The following MPPED2 variants were observed in gnomAD, a reference collection of about 807,000 sequenced individuals.
The protein encoded by MPPED2 is metallophosphoesterase MPPED2.
MPPED2 carries 5 observed loss-of-function variants against 33.0 expected under a neutral mutation model. The ratio of observed to expected loss-of-function variants is 0.15; its 90% CI spans 0.08 to 0.32. MPPED2 has a LOEUF of 0.32. MPPED2 is among the 10% of genes least tolerant of loss of function. The pLI is 1.00. For synonymous variants in MPPED2, 136 were observed against 141.9 expected, an observed-to-expected ratio of 0.96 and a Z score of 0.29; for missense variants, 275 against 372.1, an observed-to-expected ratio of 0.74 and a Z score of 2.15.
chr11:30,467,386 C>G lies in MPPED2; in HGVS notation c.536+27910G>C, dbSNP rs981713112. Among the ~76,000 whole-genome samples, 4 of 152,328 alleles carry G rather than the reference C, an allele frequency of 2.6e-5. No homozygotes were observed. The South Asian group carries it at 6.2e-4, about 24-fold the overall frequency. ...TAGTGGGGGAGTGACAAGCTCTCAG[C>G]TGGCACAGCTGTGTGATGTCCCAAA... On this transcript the variant is annotated intron_variant, in intron 4 of 6. Transcript: ENST00000358117.
chr11:30,391,137 T>G (rs1040586460), intron 6 of MPPED2, among the ~76,000 whole-genome samples: 3 of 152,164 alleles, frequency 2.0e-5, no homozygotes, highest in Non-Finnish European at 4.4e-5. Flanking sequence ...GAGATGGAAC[T>G]GTCTAGGGGC....
At chr11:30,428,863 A>C (rs1948957390) in intron 4 of MPPED2, 4 of 152,216 alleles carry the variant, frequency 2.6e-5, no homozygotes, top group African/African-American at 9.6e-5. Context: ...ATGAATGTTA[A>C]TATCATTATA....
intron 4 of MPPED2, among the ~76,000 whole-genome samples, chr11:30,423,035 C>T (rs1225130518): frequency 6.6e-6 from 1 of 152,182 alleles, no homozygotes; most frequent in African/African-American, 2.4e-5. Context: ...AATGTCAATA[C>T]AAAACAGGTT....
chr11:30,434,597 A>G (rs1949238867), intron 4 of MPPED2, among the ~76,000 whole-genome samples: 1 of 152,226 alleles, frequency 6.6e-6, no homozygotes, highest in African/African-American at 2.4e-5. Flanking sequence ...AGTTCTGCAT[A>G]AAAACATTTA....
chr11:30,475,933 C>A (rs1376498330), intron 4 of MPPED2, among the ~76,000 whole-genome samples: 1 of 151,954 alleles, frequency 6.6e-6, no homozygotes, highest in Admixed American at 6.6e-5. Flanking sequence ...AAATTTTAGC[C>A]ATTCTATTGT....
chr11:30,500,045 A>G (rs961294239), intron 3 of MPPED2, among the ~76,000 whole-genome samples: 13 of 152,172 alleles, frequency 8.5e-5, no homozygotes, highest in African/African-American at 2.9e-4. Flanking sequence ...GTTCTGCCTG[A>G]TGGGCCACTA....
At position 30,465,769 on chromosome 11, in the gene MPPED2, C is replaced by A. The variant is rs184152673; in HGVS notation, c.536+29527G>T. On this transcript the variant is annotated intron_variant, in intron 4 of 6. Transcript: ENST00000358117. ...TGAACTGTGTGGGTCCACTTATACA[C>A]GGATTTTTTTCAACCACACACAGAC... Among the ~76,000 whole-genome samples the A allele has an allele frequency of 7.2e-5, 11 of 152,268 alleles. No individual in the cohort carries two copies. In the East Asian group the frequency reaches 2.1e-3, roughly 29 times the overall value.
chr11:30,435,275 C>T (rs77851952), intron 4 of MPPED2, among the ~76,000 whole-genome samples: 9,997 of 152,246 alleles, frequency 0.066, 1,042 homozygotes, highest in African/African-American at 0.22. Flanking sequence ...TATCTGGTGA[C>T]ACACCATCTC....
At chr11:30,391,103 T>C (rs1354379198) in intron 6 of MPPED2, among the ~76,000 whole-genome samples, 2 of 152,138 alleles carry the variant, frequency 1.3e-5, no homozygotes, top group African/African-American at 4.8e-5. Flanking sequence ...AGGCCACAGA[T>C]AGATTGCAGA....
intron 2 of MPPED2, among the ~76,000 whole-genome samples, chr11:30,570,687 G>A (rs73463721): frequency 0.048 from 7,273 of 152,182 alleles, 609 homozygotes; most frequent in African/African-American, 0.17. Flanking sequence ...AGGGAAACAG[G>A]CTGAGCTTGC....
At chr11:30,513,701 G>A (rs981799971) in intron 3 of MPPED2, among the ~76,000 whole-genome samples, 2 of 152,098 alleles carry the variant, frequency 1.3e-5, no homozygotes, top group African/African-American at 4.8e-5. Context: ...TATGGGAAAG[G>A]GACACAGGTG....
chr11:30,532,103 G>C (rs1295463041), intron 3 of MPPED2, among the ~76,000 whole-genome samples: 2 of 152,198 alleles, frequency 1.3e-5, no homozygotes, highest in Non-Finnish European at 1.5e-5. Flanking sequence ...TGTGGGGGTT[G>C]TATGAAATGA....
chr11:30,402,284 T>C (rs1947919526), intron 6 of MPPED2, among the ~76,000 whole-genome samples: 1 of 152,216 alleles, frequency 6.6e-6, no homozygotes, highest in African/African-American at 2.4e-5. Context: ...ATAAATTGAA[T>C]ACTGCTGAAT....
In MPPED2 at chr11:30,492,222, A is replaced by G. The variant is rs185207516; in HGVS notation, c.536+3074T>C. Among the ~76,000 whole-genome samples the G allele has an allele frequency of 1.1e-4, 16 of 152,312 alleles. No homozygotes were observed. In the East Asian group the frequency reaches 1.7e-3, roughly 17 times the overall value. Reference sequence around the variant, plus strand: ...ATTAGTCTGTTTGTTCGATTGCTTGAGATGCTGCAAGATCTGCCTGAGGAC... The same window carrying G: ...ATTAGTCTGTTTGTTCGATTGCTTGGGATGCTGCAAGATCTGCCTGAGGAC... On this transcript the variant is annotated intron_variant, in intron 4 of 6. Coordinates refer to ENST00000358117, the MANE Select transcript of MPPED2 (RefSeq NM_001584.3).
intron 3 of MPPED2, among the ~76,000 whole-genome samples, chr11:30,535,617 AT>A (rs1338319984): frequency 6.6e-6 from 1 of 152,132 alleles, no homozygotes; most frequent in Non-Finnish European, 1.5e-5. Flanking sequence ...CTAGTAGGTC[AT>A]TTGTATATCT....
At chr11:30,442,167 C>A (rs560256016) in intron 4 of MPPED2, among the ~76,000 whole-genome samples, 2 of 152,266 alleles carry the variant, frequency 1.3e-5, no homozygotes, top group East Asian at 3.9e-4. Context: ...CCAAAGATGG[C>A]AGTTTAAGAA....
intron 2 of MPPED2, among the ~76,000 whole-genome samples, chr11:30,563,155 C>A (rs1956305001): frequency 6.7e-6 from 1 of 150,312 alleles, no homozygotes; most frequent in Admixed American, 6.6e-5. Flanking sequence ...CCCAGACATC[C>A]CACTCTCCTT....
At position 30,536,118 on chromosome 11, in the gene MPPED2, G is replaced by A; in HGVS notation, c.186C>T (p.Cys62=). 6.2e-7 allele frequency: 1 copy of A among 1,613,118 alleles called. No homozygotes were observed. Among genetic ancestry groups the A allele is most frequent in the African/African-American group, 1.3e-5 (1 of 75,004 alleles). ...PKPAGHTRFV[C]ISDTHSRTDG... ...CTGTTCTGGAGTGTGTGTCTGAGATGCAGACAAACCGCGTGTGGCCCGCTG... is the reference window on the plus strand; with the variant it reads ...CTGTTCTGGAGTGTGTGTCTGAGATACAGACAAACCGCGTGTGGCCCGCTG... The change falls in exon 3 of 7, where the codon TGC becomes TGT. Residue 62 remains cysteine (C), a synonymous_variant. Transcript: ENST00000358117.
At chr11:30,556,529 T>C (rs568511137) in intron 2 of MPPED2, among the ~76,000 whole-genome samples, 2 of 152,278 alleles carry the variant, frequency 1.3e-5, no homozygotes, top group South Asian at 4.1e-4. Flanking sequence ...AATAGTCAAA[T>C]CCAAACCTTT....
Sources: gnomAD v4.1 joint callset for allele counts (sites outside exome capture counted in the v4.1 genomes callset) on GRCh38, gnomAD v4.1.1 for gene constraint, MANE v1.5 for transcripts, NCBI Gene and HGNC (gene_info 2026-07-23, HGNC 2026-07-21) for gene names.